HMGB1: variants seen among roughly 807,000 people sequenced by gnomAD.
The protein encoded by HMGB1 is high mobility group box 1, also known as high mobility group protein B1.
For synonymous variants in HMGB1, 81 were observed against 84.0 expected, an observed-to-expected ratio of 0.96 and a Z score of 0.19; for missense variants, 79 against 253.5, an observed-to-expected ratio of 0.31 and a Z score of 4.67.
chr13:30,527,082 T>G (rs1282589623), intron 1 of HMGB1, among the ~76,000 whole-genome samples: 2 of 152,226 alleles, frequency 1.3e-5, no homozygotes, highest in Non-Finnish European at 2.9e-5. Flanking sequence ...CATTCCCCGC[T>G]AGAGGCTCAA....
intron 1 of HMGB1, among the ~76,000 whole-genome samples, chr13:30,614,783 G>A (rs1345123705): frequency 6.6e-6 from 1 of 151,856 alleles, no homozygotes; most frequent in African/African-American, 2.4e-5. Flanking sequence ...TGCAATCTCT[G>A]ACCCCCGGGG....
chr13:30,465,841 T>C lies in HMGB1; in HGVS notation c.-60A>G. On this transcript the variant is annotated 5_prime_UTR_variant, in exon 1 of 5. Coordinates refer to ENST00000341423, the MANE Select transcript of HMGB1 (RefSeq NM_002128.7). Reference sequence around the variant, plus strand: ...GCCCAGTGCCCGTCCGGCTCTCACTTGCCCCGGTGCTGTCTCTATGGAGCT... The same window carrying C: ...GCCCAGTGCCCGTCCGGCTCTCACTCGCCCCGGTGCTGTCTCTATGGAGCT... The C allele has an allele frequency of 2.0e-6, 2 of 985,606 alleles. No individual in the cohort carries two copies. The highest frequency in any genetic ancestry group is 1.1e-4 in the East Asian group (1 of 8,794). The allele number at this position is 985,606 out of a possible 1,614,324, so 61.1% of individuals were successfully genotyped here. A position where few individuals can be genotyped will look rare whatever the true frequency, so the allele number is the denominator to read the frequency against.
chr13:30,539,043 C>T (rs961483156), intron 1 of HMGB1, among the ~76,000 whole-genome samples: 2 of 151,986 alleles, frequency 1.3e-5, no homozygotes, highest in Non-Finnish European at 2.9e-5. Context: ...ATTACAGGTG[C>T]CTGCCACCAT....
intron 1 of HMGB1, among the ~76,000 whole-genome samples, chr13:30,555,618 C>A (rs151171036): frequency 6.6e-6 from 1 of 152,148 alleles, no homozygotes; most frequent in East Asian, 1.9e-4. Flanking sequence ...ATAAACAATG[C>A]CTATAATTAT....
chr13:30,470,860 G>T (rs1335217918), upstream of HMGB1, among the ~76,000 whole-genome samples: 1 of 151,938 alleles, frequency 6.6e-6, no homozygotes, highest in African/African-American at 2.4e-5. Context: ...TGTTGGCCAG[G>T]CTGGTCTTGA....
chr13:30,464,462 C>A (rs1353275322), intron 1 of HMGB1: 1 of 984,958 alleles, frequency 1.0e-6, no homozygotes, highest in African/African-American at 1.7e-5. Context: ...GTGACTCCTG[C>A]GCGGGGCGAG....
chr13:30,464,720 G>GCCGCCA (rs1455254951), intron 1 of HMGB1: 12 of 814,468 alleles, frequency 1.5e-5, no homozygotes, highest in Middle Eastern at 6.1e-4. Context: ...CGCCGCCGCC[G>GCCGCCA]CCGCGAGGGC....
At chr13:30,548,743 T>C (rs1196164102) in intron 1 of HMGB1, among the ~76,000 whole-genome samples, 1 of 152,184 alleles carries the variant, frequency 6.6e-6, no homozygotes, top group Non-Finnish European at 1.5e-5. Context: ...CGTATAAGAA[T>C]GTCAGAACAC....
Position 30,459,356 on chromosome 13 carries a change from A to G in HMGB1, c.*2001T>C, listed in dbSNP as rs1181987356. The G allele has an allele frequency of 6.6e-6, 1 of 152,220 alleles. No homozygotes were observed. Among genetic ancestry groups the G allele is most frequent in the Non-Finnish European group, 1.5e-5 (1 of 68,020 alleles). 9.4% of individuals were successfully genotyped at this position (152,220 alleles called of 1,614,324 possible). On this transcript the variant is annotated 3_prime_UTR_variant, in exon 5 of 5. Coordinates refer to ENST00000341423, the MANE Select transcript of HMGB1 (RefSeq NM_002128.7). ...CTGTTCCCATTCTCAACATCTTAAA[A>G]AAATGGTAGTTGTCATGACGTACCT...
At chr13:30,587,306 A>G (rs183534335) in intron 1 of HMGB1, among the ~76,000 whole-genome samples, 1 of 152,330 alleles carries the variant, frequency 6.6e-6, no homozygotes, top group Admixed American at 6.5e-5. Context: ...ATTTTAAATT[A>G]GAGGTAGTCA....
intron 1 of HMGB1, among the ~76,000 whole-genome samples, chr13:30,580,705 C>T (rs1488657171): frequency 1.3e-5 from 2 of 152,064 alleles, no homozygotes; most frequent in African/African-American, 4.8e-5. Context: ...TAGCACCATG[C>T]CTTGCACGTA....
At chr13:30,463,057 T>A in intron 3 of HMGB1, 150 bp downstream of exon 3, 1 of 817,430 alleles carries the variant, frequency 1.2e-6, no homozygotes, top group African/African-American at 1.7e-5. Context: ...AGGAATTTTA[T>A]ACTATTTAAA....
At chr13:30,532,225 C>T (rs1888511381) in intron 1 of HMGB1, among the ~76,000 whole-genome samples, 1 of 151,184 alleles carries the variant, frequency 6.6e-6, no homozygotes, top group African/African-American at 2.4e-5. Context: ...ATCCCAGCTA[C>T]TCAGGAGGCT....
At chr13:30,610,589 A>T (rs1240032009) in intron 1 of HMGB1, among the ~76,000 whole-genome samples, 1 of 152,262 alleles carries the variant, frequency 6.6e-6, no homozygotes, top group African/African-American at 2.4e-5. Flanking sequence ...AAATTAGTTA[A>T]ATAACAGAAG....
At chr13:30,528,826 A>T (rs1888430348) in intron 1 of HMGB1, among the ~76,000 whole-genome samples, 2 of 152,056 alleles carry the variant, frequency 1.3e-5, no homozygotes, top group Admixed American at 1.3e-4. Flanking sequence ...CAGGAGATCG[A>T]GACCATCCTG....
intron 1 of HMGB1, among the ~76,000 whole-genome samples, chr13:30,613,968 T>C (rs532692924): frequency 2.5e-4 from 38 of 152,010 alleles, no homozygotes; most frequent in South Asian, 1.5e-3. Context: ...TGGAAGATTA[T>C]GCAGCCATAA....
chr13:30,541,170 T>A (rs1868859713), intron 1 of HMGB1, among the ~76,000 whole-genome samples: 1 of 152,212 alleles, frequency 6.6e-6, no homozygotes, highest in South Asian at 2.1e-4. Context: ...TACATGCCCA[T>A]GTTTCTGACC....
intron 1 of HMGB1, among the ~76,000 whole-genome samples, chr13:30,561,557 G>A (rs377330003): frequency 1.3e-5 from 2 of 152,074 alleles, no homozygotes; most frequent in South Asian, 2.1e-4. Context: ...ACCCTGTTGC[G>A]AGAAAAAAAG....
chr13:30,481,837 CT>C (rs138242973), intron 1 of HMGB1, among the ~76,000 whole-genome samples: 2,539 of 152,114 alleles, frequency 0.017, 67 homozygotes, highest in African/African-American at 0.058. Context: ...ATTCTTAAGT[CT>C]TTCTTTTTTT....
Sources: gnomAD v4.1 joint callset for allele counts (sites outside exome capture counted in the v4.1 genomes callset) on GRCh38, gnomAD v4.1.1 for gene constraint, MANE v1.5 for transcripts, NCBI Gene and HGNC (gene_info 2026-07-23, HGNC 2026-07-21) for gene names.